Variants in MCC observed in about 807,000 individuals in gnomAD.
The protein encoded by MCC is MCC regulator of Wnt signaling pathway.
A neutral mutation model predicts 116.2 loss-of-function variants in MCC; 90 were observed. That is an observed-to-expected ratio of 0.77 (90% CI 0.65 to 0.92). The LOEUF is 0.92. Among genes scored for constraint, MCC ranks in the 40% least tolerant of loss-of-function variants. MCC has a pLI of 0.00. For synonymous variants in MCC, 578 were observed against 510.5 expected (o/e 1.13, Z -1.78); for missense variants, 1,516 against 1,312.2 (o/e 1.16, Z -2.40).
chr5:113,184,269 G>A (rs1214340960), intron 3 of MCC, among the ~76,000 whole-genome samples: 1 of 152,134 alleles, frequency 6.6e-6, no homozygotes, highest in Non-Finnish European at 1.5e-5. Flanking sequence ...TAGTCTAAAA[G>A]AGCTACATCA....
intron 1 of MCC, among the ~76,000 whole-genome samples, chr5:113,424,664 G>C (rs1299903027): frequency 6.6e-6 from 1 of 152,128 alleles, no homozygotes; most frequent in Non-Finnish European, 1.5e-5. Flanking sequence ...AGTGAGCTGA[G>C]ATTGTGCCAT....
chr5:113,283,962 T>G (rs910671371), intron 3 of MCC, among the ~76,000 whole-genome samples: 1 of 152,238 alleles, frequency 6.6e-6, no homozygotes, highest in African/African-American at 2.4e-5. Context: ...ATCCACTGCA[T>G]GAATAATCAA....
chr5:113,276,336 T>C (rs1765824287), intron 3 of MCC, among the ~76,000 whole-genome samples: 3 of 152,238 alleles, frequency 2.0e-5, no homozygotes, highest in African/African-American at 7.2e-5. Flanking sequence ...CTGAACTTTA[T>C]AGTCTTTGGA....
intron 4 of MCC, among the ~76,000 whole-genome samples, chr5:113,144,286 C>T (rs1423645001): frequency 1.3e-5 from 2 of 152,206 alleles, no homozygotes; most frequent in African/African-American, 2.4e-5. Context: ...CAATCCCTTC[C>T]AGTCACTGTG....
At chr5:113,037,095 C>T (rs1239555041) in intron 17 of MCC, among the ~76,000 whole-genome samples, 3 of 152,220 alleles carry the variant, frequency 2.0e-5, no homozygotes, top group Non-Finnish European at 4.4e-5. Flanking sequence ...AGTGAAGATT[C>T]TGCTGCTTAT....
At chr5:113,466,437 G>A (rs1172122323) in intron 1 of MCC, among the ~76,000 whole-genome samples, 1 of 149,160 alleles carries the variant, frequency 6.7e-6, no homozygotes, top group African/African-American at 2.5e-5. Context: ...TGTGGTGTTT[G>A]GTTTTTTGTC....
At chr5:113,389,253 T>G (rs1382826128) in intron 1 of MCC, among the ~76,000 whole-genome samples, 1 of 152,190 alleles carries the variant, frequency 6.6e-6, no homozygotes, top group Non-Finnish European at 1.5e-5. Context: ...TGGCCTTCAA[T>G]GACGTACAGT....
At chr5:113,080,961 G>A (rs996847666) in intron 11 of MCC, among the ~76,000 whole-genome samples, 3 of 152,100 alleles carry the variant, frequency 2.0e-5, no homozygotes, top group East Asian at 1.9e-4. Flanking sequence ...AGCTCCATGA[G>A]AGCAGGGACC....
intron 3 of MCC, among the ~76,000 whole-genome samples, chr5:113,152,305 C>T (rs6594690): frequency 0.12 from 18,424 of 152,154 alleles, 1,496 homozygotes; most frequent in African/African-American, 0.23. Flanking sequence ...TTCAGGCCGA[C>T]GGATGGAACT....
intron 11 of MCC, among the ~76,000 whole-genome samples, chr5:113,077,186 A>G (rs1754516903): frequency 6.6e-6 from 1 of 152,326 alleles, no homozygotes; most frequent in African/African-American, 2.4e-5. Flanking sequence ...AAAGAGACTT[A>G]GACTCCCACA....
At chr5:113,226,869 C>G (rs942655622) in intron 3 of MCC, among the ~76,000 whole-genome samples, 1 of 152,144 alleles carries the variant, frequency 6.6e-6, no homozygotes, top group African/African-American at 2.4e-5. Flanking sequence ...AACTCTGTTT[C>G]TGCTATTAAC....
intron 3 of MCC, among the ~76,000 whole-genome samples, chr5:113,286,062 C>T (rs1000165989): frequency 2.6e-5 from 4 of 152,234 alleles, no homozygotes; most frequent in Admixed American, 6.5e-5. Flanking sequence ...CTATCTACCA[C>T]ATATTGACTA....
chr5:113,339,071 AT>A, intron 3 of MCC, among the ~76,000 whole-genome samples: 1 of 147,790 alleles, frequency 6.8e-6, no homozygotes, highest in East Asian at 2.0e-4. Flanking sequence ...AAAAAAAAAA[AT>A]ACAAAAATTA....
At chr5:113,154,733 A>T (rs942913990) in intron 3 of MCC, among the ~76,000 whole-genome samples, 1 of 152,050 alleles carries the variant, frequency 6.6e-6, no homozygotes, top group African/African-American at 2.4e-5. Context: ...ATTAGTTTAG[A>T]GGTCCCTCTA....
chr5:113,323,143 A>G (rs1225046570), intron 3 of MCC: 3 of 152,346 alleles, frequency 2.0e-5, no homozygotes, highest in Non-Finnish European at 2.9e-5. Context: ...TTGGAGGCAG[A>G]TTCTCCAGCC....
intron 1 of MCC, among the ~76,000 whole-genome samples, chr5:113,394,276 C>T (rs564663501): frequency 2.6e-5 from 4 of 152,202 alleles, no homozygotes; most frequent in South Asian, 2.1e-4. Flanking sequence ...ACATCCATTC[C>T]GTCCTGATCA....
At chr5:113,078,102 C>G (rs181424933) in intron 11 of MCC, among the ~76,000 whole-genome samples, 3 of 152,108 alleles carry the variant, frequency 2.0e-5, no homozygotes, top group African/African-American at 7.2e-5. Context: ...AACACTAAAC[C>G]GGGAAGGAGT....
intron 5 of MCC, among the ~76,000 whole-genome samples, chr5:113,132,452 A>ATATG (rs1368429355): frequency 5.7e-5 from 2 of 35,386 alleles, no homozygotes; most frequent in Non-Finnish European, 2.1e-4. Flanking sequence ...ATACACACAC[A>ATATG]CACACACACA....
At chr5:113,147,310 C>G (rs565285422) in intron 4 of MCC, among the ~76,000 whole-genome samples, 97 of 152,258 alleles carry the variant, frequency 6.4e-4, no homozygotes, top group African/African-American at 2.3e-3. Context: ...CTGAGTCAGC[C>G]TTGAGACAGT....
Sources: allele counts gnomAD v4.1 joint callset (sites outside exome capture counted in the v4.1 genomes callset), GRCh38; gene constraint gnomAD v4.1.1; transcripts MANE v1.5; gene names NCBI Gene and HGNC (gene_info 2026-07-23, HGNC 2026-07-21).